Variants in CNTNAP2 observed in about 807,000 individuals in gnomAD.
CNTNAP2 encodes the protein contactin-associated protein-like 2.
Under a neutral mutation model 155.2 loss-of-function variants are expected in CNTNAP2, and 98 were observed. The ratio of observed to expected loss-of-function variants is 0.63; its 90% CI spans 0.54 to 0.75. CNTNAP2 has a LOEUF of 0.75. Among genes scored for constraint, CNTNAP2 ranks in the 30% least tolerant of loss-of-function variants. CNTNAP2 has a pLI of 0.00. For synonymous variants in CNTNAP2, 651 were observed against 631.2 expected (o/e 1.03, Z -0.47); for missense variants, 1,727 against 1,688.1 (o/e 1.02, Z -0.40).
chr7:148,157,887 C>CAT (rs546405569), intron 17 of CNTNAP2, among the ~76,000 whole-genome samples: 1,720 of 152,292 alleles, frequency 0.011, 20 homozygotes, highest in Middle Eastern at 0.017. Flanking sequence ...ATCAATCGAC[C>CAT]ATATGCAAAG....
At chr7:147,083,336 GACAA>G (rs1403045952) in intron 4 of CNTNAP2, 1 of 151,862 alleles carries the variant, frequency 6.6e-6, no homozygotes, top group Non-Finnish European at 1.5e-5. Flanking sequence ...AAGTATTAAT[GACAA>G]ACTAACGTTT....
At chr7:147,757,322 T>A (rs1797225548) in intron 13 of CNTNAP2, among the ~76,000 whole-genome samples, 1 of 152,164 alleles carries the variant, frequency 6.6e-6, no homozygotes, top group East Asian at 1.9e-4. Flanking sequence ...TAAAGAACGC[T>A]TTTTTCTGAA....
intron 2 of CNTNAP2, among the ~76,000 whole-genome samples, chr7:146,788,686 G>A (rs974614043): frequency 6.6e-6 from 1 of 151,692 alleles, no homozygotes; most frequent in African/African-American, 2.4e-5. Flanking sequence ...TTTTTAATTA[G>A]ATAGATCAGT....
At chr7:147,209,576 T>C (rs1323515827) in intron 8 of CNTNAP2, among the ~76,000 whole-genome samples, 1 of 152,040 alleles carries the variant, frequency 6.6e-6, no homozygotes, top group Non-Finnish European at 1.5e-5. Context: ...TGCCTTTTAT[T>C]TCATTCTCTT....
At chr7:147,394,883 T>C (rs529332957) in intron 9 of CNTNAP2, among the ~76,000 whole-genome samples, 4 of 151,270 alleles carry the variant, frequency 2.6e-5, no homozygotes, top group Admixed American at 6.6e-5. Flanking sequence ...ATTTTAGTTC[T>C]ATCTGTTATT....
At chr7:146,441,156 A>G (rs1020565935) in intron 1 of CNTNAP2, among the ~76,000 whole-genome samples, 3 of 151,694 alleles carry the variant, frequency 2.0e-5, no homozygotes, top group South Asian at 2.1e-4. Flanking sequence ...AAACCCTGTC[A>G]GTATGAAAAC....
chr7:147,736,533 A>G (rs1435984004), intron 13 of CNTNAP2, among the ~76,000 whole-genome samples: 1 of 151,876 alleles, frequency 6.6e-6, no homozygotes. Flanking sequence ...TATCTTTGTG[A>G]TGTTCTCTGT....
chr7:148,263,509 T>C (rs12704004), intron 20 of CNTNAP2, among the ~76,000 whole-genome samples: 85,231 of 151,770 alleles, frequency 0.56, 24,101 homozygotes, highest in South Asian at 0.68. Context: ...GAGGCCGAGG[T>C]GGGCGGAACA....
At chr7:147,168,699 T>C (rs1404643536) in intron 8 of CNTNAP2, among the ~76,000 whole-genome samples, 4 of 152,166 alleles carry the variant, frequency 2.6e-5, no homozygotes, top group Admixed American at 6.5e-5. Context: ...ATACATGTTC[T>C]ATACTTAAAG....
rs1563067643 is a variant in CNTNAP2, at chr7:148,385,745, T to TG, written c.3715+1857_3715+1858insG. 9.5e-3 allele frequency among the ~76,000 whole-genome samples: 993 copies of TG among 104,362 alleles called. 10 individuals are homozygous for TG. Among genetic ancestry groups the TG allele is most frequent in the African/African-American group, 0.032 (919 of 28,542 alleles). The allele number at this position is 104,362 out of a possible 152,430, so 68.5% of individuals were successfully genotyped here. ...GCTTTGAGTGTGACAGGTTTTTTTT[T>TG]TTTTTTTTTTTTTTTGGAGACAGAC... On this transcript the variant is annotated intron_variant, in intron 22 of 23. Coordinates refer to ENST00000361727, the MANE Select transcript of CNTNAP2 (RefSeq NM_014141.6).
In CNTNAP2 at chr7:147,254,988, A is replaced by C. The variant is rs185521352; in HGVS notation, c.1349-45153A>C. On this transcript the variant is annotated intron_variant, in intron 8 of 23. Coordinates refer to ENST00000361727, the MANE Select transcript of CNTNAP2 (RefSeq NM_014141.6). The stretch of plus-strand genomic sequence containing the variant: ...GCCTTTATTTCTAAGTTATAATTGC[A>C]ATCATGTATTGGCAGCACATGTGAA... Among the ~76,000 whole-genome samples the C allele has an allele frequency of 2.1e-3, 326 of 152,324 alleles. 1 individual carries two copies. Among genetic ancestry groups the C allele is most frequent in the African/African-American group, 7.5e-3 (313 of 41,578 alleles).
intron 3 of CNTNAP2, among the ~76,000 whole-genome samples, chr7:147,038,739 C>G (rs549414495): frequency 4.6e-5 from 7 of 152,342 alleles, no homozygotes; most frequent in Non-Finnish European, 8.8e-5. Flanking sequence ...ATTATTTCAT[C>G]TATCATTTTG....
At position 147,950,460 on chromosome 7, in the gene CNTNAP2, C is replaced by A. The variant is rs142415412; in HGVS notation, c.2256-27402C>A. 3.5e-3 allele frequency among the ~76,000 whole-genome samples: 512 copies of A among 147,918 alleles called. 2 individuals are homozygous for A. Among genetic ancestry groups the A allele is most frequent in the African/African-American group, 0.012 (494 of 40,330 alleles). On this transcript the variant is annotated intron_variant, in intron 14 of 23. Transcript: ENST00000361727. ...AAACTCACATTTTCATTGCTAATAG[C>A]CCTCTTTGAAAGTTTGTTGACATTT... is the stretch of plus-strand genomic sequence containing the variant.
chr7:146,532,380 A>T (rs1797782795), intron 1 of CNTNAP2, among the ~76,000 whole-genome samples: 1 of 152,172 alleles, frequency 6.6e-6, no homozygotes, highest in Non-Finnish European at 1.5e-5. Context: ...TCTGCTTATA[A>T]TTTTATGCAG....
intron 20 of CNTNAP2, among the ~76,000 whole-genome samples, chr7:148,248,027 A>G (rs1796303047): frequency 6.6e-6 from 1 of 152,090 alleles, no homozygotes; most frequent in African/African-American, 2.4e-5. Context: ...GTACAGACTG[A>G]TGAGTTTTGA....
intron 20 of CNTNAP2, among the ~76,000 whole-genome samples, chr7:148,237,353 T>C (rs1311024164): frequency 1.3e-5 from 2 of 152,138 alleles, no homozygotes; most frequent in Non-Finnish European, 1.5e-5. Context: ...GTAAAAGACA[T>C]TGTGGTTCTA....
intron 8 of CNTNAP2, among the ~76,000 whole-genome samples, chr7:147,258,596 C>T (rs17170378): frequency 0.19 from 28,173 of 151,932 alleles, 3,956 homozygotes; most frequent in East Asian, 0.71. Context: ...TGTATGATAC[C>T]CTCTAAATCC....
At chr7:146,784,869 C>G (rs1802548000) in intron 2 of CNTNAP2, among the ~76,000 whole-genome samples, 1 of 152,076 alleles carries the variant, frequency 6.6e-6, no homozygotes, top group Non-Finnish European at 1.5e-5. Flanking sequence ...AGGCAAAAAG[C>G]TTTATCAAAT....
intron 1 of CNTNAP2, among the ~76,000 whole-genome samples, chr7:146,331,252 C>T (rs1374922996): frequency 6.8e-6 from 1 of 147,664 alleles, no homozygotes; most frequent in African/African-American, 2.5e-5. Context: ...TGCAGTGAGC[C>T]GAGATCGCGC....
Sources: gnomAD v4.1 joint callset for allele counts (sites outside exome capture counted in the v4.1 genomes callset) on GRCh38, gnomAD v4.1.1 for gene constraint, MANE v1.5 for transcripts, NCBI Gene and HGNC (gene_info 2026-07-23, HGNC 2026-07-21) for gene names.